SPATA9: variants seen among roughly 807,000 people sequenced by gnomAD.
The protein encoded by SPATA9 is spermatogenesis associated 9, also known as spermatogenesis-associated protein 9.
Under a neutral mutation model 25.5 loss-of-function variants are expected in SPATA9, and 27 were observed. That is an observed-to-expected ratio of 1.06 (90% CI 0.78 to 1.46). The LOEUF is 1.46. Among genes scored for constraint, SPATA9 ranks in the 40% most tolerant of loss-of-function variants. The pLI, the probability that SPATA9 is intolerant of heterozygous loss-of-function variation, is 0.00. For synonymous variants in SPATA9, 102 were observed against 105.7 expected, an observed-to-expected ratio of 0.97 and a Z score of 0.21; for missense variants, 282 against 297.5, an observed-to-expected ratio of 0.95 and a Z score of 0.38.
intron 3 of SPATA9, 96 bp downstream of exon 3, chr5:95,675,316 C>T: frequency 2.0e-6 from 2 of 990,528 alleles, no homozygotes; most frequent in East Asian, 5.2e-5. Flanking sequence ...CTGTTTTACA[C>T]TGGACAATCA....
chr5:95,716,319 G>T, the SPATA9 span, among the ~76,000 whole-genome samples: 2 of 152,256 alleles, frequency 1.3e-5, no homozygotes, highest in East Asian at 3.8e-4. Flanking sequence ...GGGCAGAGCT[G>T]CCCAATGCCA....
Position 95,664,000 on chromosome 5 carries a change from C to T in SPATA9, c.427G>A (p.Ala143Thr). The change falls in exon 4 of 5, where the codon GCT becomes ACT. Residue 143 changes from alanine (A) to threonine (T), a missense_variant. Physicochemically the swap from Ala to Thr is moderately conservative, Grantham distance 58 (BLOSUM62 0). Coordinates refer to ENST00000274432, the MANE Select transcript of SPATA9 (RefSeq NM_031952.4). ...FEIISFPAKTALTSIIYASYA... is the reference protein window; with the variant it reads ...FEIISFPAKTTLTSIIYASYA... ...GAAGCATATATTATGCTAGTTAAAG[C>T]AGTCTTTGCTGGAAAGGAGATGATT... 2 of 1,598,150 alleles carry T rather than the reference C, an allele frequency of 1.3e-6. No homozygotes were observed. Among genetic ancestry groups the T allele is most frequent in the Non-Finnish European group, 8.5e-7 (1 of 1,170,536 alleles).
At chr5:95,653,576 G>A (rs1329063282), downstream of SPATA9, among the ~76,000 whole-genome samples, 4 of 152,170 alleles carry the variant, frequency 2.6e-5, no homozygotes, top group East Asian at 3.8e-4. Context: ...AGTCTCTAAC[G>A]CAAAGTAATG....
chr5:95,672,325 A>G (rs1752466750), intron 3 of SPATA9, among the ~76,000 whole-genome samples: 1 of 152,154 alleles, frequency 6.6e-6, no homozygotes, highest in Non-Finnish European at 1.5e-5. Flanking sequence ...ATCTGAATTT[A>G]CCCTATCAGT....
At chr5:95,712,413 A>C in the SPATA9 span, among the ~76,000 whole-genome samples, 2 of 152,314 alleles carry the variant, frequency 1.3e-5, no homozygotes, top group Middle Eastern at 3.4e-3. Flanking sequence ...GTGAATTCTA[A>C]GACTAGGTTG....
At chr5:95,696,688 G>A (rs879928747) in intron 1 of SPATA9, among the ~76,000 whole-genome samples, 2 of 152,122 alleles carry the variant, frequency 1.3e-5, no homozygotes, top group Non-Finnish European at 2.9e-5. Context: ...ACCACCCTGA[G>A]CAACATAGCA....
chr5:95,688,877 A>G (rs540643095), intron 1 of SPATA9, among the ~76,000 whole-genome samples: 1 of 152,282 alleles, frequency 6.6e-6, no homozygotes, highest in East Asian at 1.9e-4. Context: ...AAAAATAATA[A>G]TTTTAAAAAC....
upstream of SPATA9, among the ~76,000 whole-genome samples, chr5:95,686,702 G>A (rs545996537): frequency 2.0e-5 from 3 of 152,040 alleles, no homozygotes; most frequent in African/African-American, 7.2e-5. Context: ...GGACCCTCCT[G>A]GGGGGGTAAC....
the SPATA9 span, among the ~76,000 whole-genome samples, chr5:95,730,084 TA>T: frequency 1.9e-3 from 277 of 145,912 alleles, no homozygotes; most frequent in African/African-American, 5.4e-3. Context: ...GAAATTAGAT[TA>T]AAAAAAAAAA....
chr5:95,659,903 T>G (rs1751108715), intron 4 of SPATA9, among the ~76,000 whole-genome samples: 3 of 152,170 alleles, frequency 2.0e-5, no homozygotes, highest in Non-Finnish European at 4.4e-5. Context: ...GGAAAAGTTT[T>G]TCCTCCTATA....
chr5:95,725,435 T>C, the SPATA9 span, among the ~76,000 whole-genome samples: 1 of 152,258 alleles, frequency 6.6e-6, no homozygotes, highest in Non-Finnish European at 1.5e-5. Flanking sequence ...TCATTATCTC[T>C]GAGGGAAAGA....
the SPATA9 span, among the ~76,000 whole-genome samples, chr5:95,721,154 T>A: frequency 5.9e-5 from 9 of 152,260 alleles, no homozygotes; most frequent in Admixed American, 5.9e-4. Context: ...TGCACTGCAC[T>A]ATTTACGTTG....
At chr5:95,654,488 C>G (rs1750602807), downstream of SPATA9, 2 of 707,840 alleles carry the variant, frequency 2.8e-6, no homozygotes, top group Admixed American at 5.8e-5. Flanking sequence ...TCTGGGAATT[C>G]ATAAGATAAA....
At chr5:95,732,069 C>T in the SPATA9 span, 10 of 1,614,110 alleles carry the variant, frequency 6.2e-6, no homozygotes, top group South Asian at 1.1e-5. Context: ...TGGTGGTCCA[C>T]GACTGTCCCG....
chr5:95,696,007 C>A (rs1421710893), intron 1 of SPATA9, among the ~76,000 whole-genome samples: 1 of 152,214 alleles, frequency 6.6e-6, no homozygotes, highest in African/African-American at 2.4e-5. Flanking sequence ...ATCCATGTGG[C>A]AAGGAACCAA....
chr5:95,727,229 T>C, the SPATA9 span, among the ~76,000 whole-genome samples: 1 of 152,228 alleles, frequency 6.6e-6, no homozygotes. Context: ...TTACTCTTTT[T>C]CTGCCACCTC....
At chr5:95,684,581 T>C (rs1329981360), upstream of SPATA9, 1 of 152,240 alleles carries the variant, frequency 6.6e-6, no homozygotes, top group Non-Finnish European at 1.5e-5. Flanking sequence ...CCTTTTTGTC[T>C]TTTCTTACTT....
intron 3 of SPATA9, among the ~76,000 whole-genome samples, chr5:95,666,011 AC>A (rs1321249946): frequency 6.6e-6 from 1 of 152,140 alleles, no homozygotes; most frequent in Non-Finnish European, 1.5e-5. Context: ...ACACGTGATA[AC>A]TTTTTGTTGA....
At position 95,697,916 on chromosome 5, in the gene SPATA9, A is replaced by AAAAC. The variant is rs1561421941; in HGVS notation, n.124+671_124+672insGTTT. On this transcript the variant is annotated intron_variant and non_coding_transcript_variant, in intron 1 of 2. Coordinates refer to the SPATA9 transcript ENST00000379990. ...AAATGACATTCCATGAAAAAAAAAA[A>AAAAC]AGCAGCTCACAGCTCAATTACACAA... 2.4e-3 allele frequency among the ~76,000 whole-genome samples: 351 copies of AAAAC among 148,288 alleles called. 1 individual carries two copies. Among genetic ancestry groups the AAAAC allele is most frequent in the African/African-American group, 8.6e-3 (326 of 37,816 alleles).
Sources: gnomAD v4.1 joint callset for allele counts (sites outside exome capture counted in the v4.1 genomes callset) on GRCh38, gnomAD v4.1.1 for gene constraint, MANE v1.5 for transcripts, NCBI Gene and HGNC (gene_info 2026-07-23, HGNC 2026-07-21) for gene names.